Variants in ADARB2 observed in about 807,000 individuals in gnomAD.
ADARB2 encodes the protein inactive double-stranded RNA-specific editase B2.
ADARB2 carries 25 observed loss-of-function variants against 62.2 expected under a neutral mutation model. The ratio of observed to expected loss-of-function variants is 0.40; its 90% CI spans 0.29 to 0.56. The LOEUF (loss-of-function observed/expected upper bound fraction) is 0.56, where lower values mean the gene tolerates loss of function less well. Ranked by LOEUF, ADARB2 falls within the 20% of genes least tolerant of loss-of-function variation. ADARB2 has a pLI of 0.43. For synonymous variants in ADARB2, 572 were observed against 500.8 expected (o/e 1.14, Z -1.90); for missense variants, 1,071 against 1,077.4 (o/e 0.99, Z 0.08).
intron 2 of ADARB2, among the ~76,000 whole-genome samples, chr10:1,372,386 C>T (rs1444703864): frequency 6.6e-6 from 1 of 152,170 alleles, no homozygotes; most frequent in African/African-American, 2.4e-5. Context: ...AATGGGTACA[C>T]TAGCAGCCCA....
intron 1 of ADARB2, among the ~76,000 whole-genome samples, chr10:1,514,513 C>T (rs755141830): frequency 1.3e-4 from 20 of 152,096 alleles, no homozygotes; most frequent in Non-Finnish European, 2.4e-4. Flanking sequence ...CAGTGGGGCT[C>T]GTTTCTGGCT....
intron 1 of ADARB2, among the ~76,000 whole-genome samples, chr10:1,669,292 C>G (rs1247493015): frequency 1.3e-5 from 2 of 152,140 alleles, no homozygotes; most frequent in African/African-American, 2.4e-5. Flanking sequence ...GACACCAACC[C>G]CTAGAAGGGA....
At chr10:1,271,398 C>T (rs929931594) in intron 3 of ADARB2, among the ~76,000 whole-genome samples, 64 of 152,172 alleles carry the variant, frequency 4.2e-4, no homozygotes, top group African/African-American at 1.4e-3. Flanking sequence ...AGGAGTCTTT[C>T]GGCGGGGAGG....
At chr10:1,563,021 G>T (rs908698813) in intron 1 of ADARB2, among the ~76,000 whole-genome samples, 1 of 152,106 alleles carries the variant, frequency 6.6e-6, no homozygotes, top group Non-Finnish European at 1.5e-5. Flanking sequence ...TGGTGAGAAC[G>T]TCATTCACTT....
intron 1 of ADARB2, among the ~76,000 whole-genome samples, chr10:1,711,090 G>A (rs1214401846): frequency 6.6e-6 from 1 of 152,116 alleles, no homozygotes; most frequent in African/African-American, 2.4e-5. Context: ...CCCCAAAATA[G>A]GCTCACAATG....
intron 1 of ADARB2, among the ~76,000 whole-genome samples, chr10:1,561,035 C>T (rs1832779487): frequency 6.6e-6 from 1 of 152,184 alleles, no homozygotes; most frequent in African/African-American, 2.4e-5. Context: ...ACGTGAGCCA[C>T]AGGGGTACCA....
chr10:1,233,909 T>C lies in ADARB2; in HGVS notation c.1362-64A>G. On this transcript the variant is annotated intron_variant, in intron 5 of 9. Transcript: ENST00000381312. ...CCAAACCAGAAATGTTCCAACCAGGTGAACGCTTGAGTCCTGTTTTGTAGA... is the reference window on the plus strand; with the variant it reads ...CCAAACCAGAAATGTTCCAACCAGGCGAACGCTTGAGTCCTGTTTTGTAGA... 8.4e-6 allele frequency: 13 copies of C among 1,539,172 alleles called. No homozygotes were observed. In the Middle Eastern group the frequency reaches 1.8e-3, roughly 210 times the overall value.
At chr10:1,665,385 C>T (rs768266045) in intron 1 of ADARB2, among the ~76,000 whole-genome samples, 2 of 152,238 alleles carry the variant, frequency 1.3e-5, no homozygotes, top group Non-Finnish European at 1.5e-5. Context: ...CGCACCCCGA[C>T]GTGGGGAACT....
chr10:1,585,849 A>G (rs1189999592), intron 1 of ADARB2, among the ~76,000 whole-genome samples: 1 of 152,122 alleles, frequency 6.6e-6, no homozygotes, highest in Non-Finnish European at 1.5e-5. Context: ...CCTGGCTAAC[A>G]CGGTGAAACC....
chr10:1,484,370 T>C (rs549410201), intron 1 of ADARB2, among the ~76,000 whole-genome samples: 2 of 152,344 alleles, frequency 1.3e-5, no homozygotes, highest in African/African-American at 4.8e-5. Context: ...AAGGAGAAGT[T>C]GCCGGACAGC....
chr10:1,254,458 T>G (rs1222897221), intron 4 of ADARB2, among the ~76,000 whole-genome samples: 1 of 152,260 alleles, frequency 6.6e-6, no homozygotes, highest in African/African-American at 2.4e-5. Flanking sequence ...CTTATACTTG[T>G]GTGATCAGAG....
chr10:1,376,114 A>G (rs1338263371), intron 2 of ADARB2, among the ~76,000 whole-genome samples: 2 of 152,098 alleles, frequency 1.3e-5, no homozygotes, highest in East Asian at 3.8e-4. Flanking sequence ...ATCTTTTTCT[A>G]CCTTCCCGTG....
chr10:1,204,133 T>C (rs1837019789), intron 7 of ADARB2, among the ~76,000 whole-genome samples: 1 of 152,156 alleles, frequency 6.6e-6, no homozygotes, highest in Admixed American at 6.5e-5. Context: ...CTCCAAACCC[T>C]GTCTCACACC....
In ADARB2 at chr10:1,475,171, C is replaced by T. The variant is rs1043283303; in HGVS notation, c.101-96011G>A. On this transcript the variant is annotated intron_variant, in intron 1 of 9. Transcript: ENST00000381312. ...GGGGAGGGTCCGGCACTCAGGAGCC[C>T]CCCCGGGGCAGGAGGGGCCTCTTCC... Among the ~76,000 whole-genome samples, 24 of 152,018 alleles carry T rather than the reference C, an allele frequency of 1.6e-4. 1 individual carries two copies. The highest frequency in any genetic ancestry group is 5.6e-4 in the African/African-American group (23 of 41,370).
At chr10:1,725,634 C>A (rs1835154126) in intron 1 of ADARB2, among the ~76,000 whole-genome samples, 1 of 152,202 alleles carries the variant, frequency 6.6e-6, no homozygotes, top group African/African-American at 2.4e-5. Flanking sequence ...CGGGGCAACA[C>A]CCGAGAGAGC....
chr10:1,587,547 T>C (rs1289456110), intron 1 of ADARB2, among the ~76,000 whole-genome samples: 1 of 152,222 alleles, frequency 6.6e-6, no homozygotes, highest in Non-Finnish European at 1.5e-5. Flanking sequence ...TTTTGATTTT[T>C]TTTTTCATAA....
intron 1 of ADARB2, among the ~76,000 whole-genome samples, chr10:1,710,713 G>A (rs1588361944): frequency 6.6e-6 from 1 of 152,214 alleles, no homozygotes; most frequent in Admixed American, 6.5e-5. Context: ...GCACCTGACT[G>A]TGAGCTCCCG....
chr10:1,624,013 A>G (rs1833737768), intron 1 of ADARB2, among the ~76,000 whole-genome samples: 1 of 152,142 alleles, frequency 6.6e-6, no homozygotes, highest in Admixed American at 6.6e-5. Context: ...CGGATCGATC[A>G]CTTAAGCCCA....
At chr10:1,348,667 G>A (rs1832104989) in intron 3 of ADARB2, among the ~76,000 whole-genome samples, 3 of 152,198 alleles carry the variant, frequency 2.0e-5, no homozygotes, top group African/African-American at 4.8e-5. Flanking sequence ...ATGGGGAGAA[G>A]CAGAATTAAG....
Sources: gnomAD v4.1 joint callset for allele counts (sites outside exome capture counted in the v4.1 genomes callset) on GRCh38, gnomAD v4.1.1 for gene constraint, MANE v1.5 for transcripts, NCBI Gene and HGNC (gene_info 2026-07-23, HGNC 2026-07-21) for gene names.